CTNNA2: variants seen among roughly 807,000 people sequenced by gnomAD.
CTNNA2 encodes catenin alpha-2.
CTNNA2 carries 42 observed loss-of-function variants against 101.0 expected under a neutral mutation model. The observed-to-expected ratio is 0.42, with a 90% CI of 0.32 to 0.54. The LOEUF (loss-of-function observed/expected upper bound fraction) is 0.54. Ranked by LOEUF, CTNNA2 falls within the 20% of genes least tolerant of loss-of-function variation. The pLI is 0.14. For missense variants in CTNNA2, 871 were observed against 1,223.1 expected (o/e 0.71, Z 4.29); for synonymous variants, 450 against 456.4 (o/e 0.99, Z 0.18).
chr2:79,931,696 G>A (rs1048590835), intron 7 of CTNNA2, among the ~76,000 whole-genome samples: 1 of 152,116 alleles, frequency 6.6e-6, no homozygotes, highest in Non-Finnish European at 1.5e-5. Context: ...TTTCATCCCA[G>A]ATAGTCTGGG....
chr2:80,036,848 T>TGA (rs71965090), intron 7 of CTNNA2, among the ~76,000 whole-genome samples: 1,934 of 120,276 alleles, frequency 0.016, 41 homozygotes, highest in African/African-American at 0.057. Flanking sequence ...TGTGTGTGTG[T>TGA]GAGAGAGAGA....
intron 7 of CTNNA2, among the ~76,000 whole-genome samples, chr2:79,925,875 GA>G: frequency 1.1e-5 from 1 of 89,370 alleles, no homozygotes; most frequent in East Asian, 3.6e-4. Flanking sequence ...ATACATCTAA[GA>G]CTTTTTTTTT....
intron 2 of CTNNA2, among the ~76,000 whole-genome samples, chr2:79,255,810 G>A (rs758127970): frequency 9.2e-5 from 14 of 152,040 alleles, no homozygotes; most frequent in Middle Eastern, 3.2e-3. Flanking sequence ...AATTGATAAC[G>A]TTCACATAAT....
chr2:79,653,540 A>G (rs932515330), intron 2 of CTNNA2, among the ~76,000 whole-genome samples: 2 of 152,168 alleles, frequency 1.3e-5, no homozygotes, highest in Non-Finnish European at 2.9e-5. Flanking sequence ...AATCACTTCA[A>G]AGAGCCCTCC....
intron 7 of CTNNA2, among the ~76,000 whole-genome samples, chr2:80,364,562 T>TTTTG (rs1220104220): frequency 1.5e-5 from 2 of 133,928 alleles, no homozygotes; most frequent in Admixed American, 1.4e-4. Flanking sequence ...AGTAATTTTT[T>TTTTG]TTTTTTTTTT....
chr2:79,188,144 T>C (rs1027528050), intron 1 of CTNNA2, among the ~76,000 whole-genome samples: 1 of 152,214 alleles, frequency 6.6e-6, no homozygotes, highest in African/African-American at 2.4e-5. Context: ...TTAAGATTTT[T>C]AATATGTTCA....
At chr2:80,528,531 G>A (rs564276638) in intron 9 of CTNNA2, among the ~76,000 whole-genome samples, 1 of 152,122 alleles carries the variant, frequency 6.6e-6, no homozygotes, top group South Asian at 2.1e-4. Flanking sequence ...CCCAGGTATT[G>A]CCCTTGCTAC....
At chr2:80,036,864 A>T (rs1695702036) in intron 7 of CTNNA2, among the ~76,000 whole-genome samples, 1 of 151,500 alleles carries the variant, frequency 6.6e-6, no homozygotes, top group South Asian at 2.1e-4. Context: ...AGAGAGAGAG[A>T]GAGAGAGAGA....
At chr2:79,274,952 G>A (rs918048457) in intron 2 of CTNNA2, among the ~76,000 whole-genome samples, 2 of 152,028 alleles carry the variant, frequency 1.3e-5, no homozygotes. Context: ...AAATATGGTT[G>A]AGAAATTGCT....
chr2:80,140,679 C>A (rs1235889628), intron 7 of CTNNA2, among the ~76,000 whole-genome samples: 1 of 152,256 alleles, frequency 6.6e-6, no homozygotes, highest in East Asian at 1.9e-4. Flanking sequence ...TAATCTCATG[C>A]CATCCAACAC....
Position 80,303,238 on chromosome 2 carries a change from G to A in CTNNA2, c.1057-89973G>A. The stretch of plus-strand genomic sequence containing the variant: ...TGCGCGCCAGACTCTTGAGCTGATT[G>A]TATCCGATGTCGAGAAACTTGAGGC... On this transcript the variant is annotated intron_variant, in intron 7 of 18. Transcript: ENST00000402739. The surrounding 1 kb of genome is among the most constrained non-coding windows in gnomAD (Gnocchi z 7.7). 6.2e-7 allele frequency: 1 copy of A among 1,613,800 alleles called. No individual in the cohort carries two copies. The highest frequency in any genetic ancestry group is 8.5e-7 in the Non-Finnish European group (1 of 1,179,972).
rs139678375 is a variant in CTNNA2, at chr2:80,118,716, A to G, written c.1056+208919A>G. Among the ~76,000 whole-genome samples the G allele has an allele frequency of 7.2e-3, 1,099 of 152,356 alleles. 13 individuals are homozygous for G. The highest frequency in any genetic ancestry group is 0.025 in the African/African-American group (1,043 of 41,576). ...GAAATTTGCTATTTTTCCTTTGAAT[A>G]TTAACACAGAGCTGGTTACTTTTTG... is the stretch of plus-strand genomic sequence containing the variant. On this transcript the variant is annotated intron_variant, in intron 7 of 18. Transcript: ENST00000402739.
In CTNNA2 at chr2:79,446,814, T is replaced by A. The variant is rs150821542; in HGVS notation, c.-134-58240T>A. 4.9e-3 allele frequency among the ~76,000 whole-genome samples: 741 copies of A among 152,118 alleles called. 10 individuals carry two copies. Among genetic ancestry groups the A allele is most frequent in the African/African-American group, 0.017 (697 of 41,496 alleles). On this transcript the variant is annotated intron_variant, in intron 4 of 21. Coordinates refer to the CTNNA2 transcript ENST00000466387. The stretch of plus-strand genomic sequence containing the variant: ...GAATTTTGACCAATTAATGCTGATG[T>A]TTATGCCAAAAAAAAATCCAGATTT...
At chr2:80,147,409 G>A (rs955667489) in intron 7 of CTNNA2, among the ~76,000 whole-genome samples, 1 of 152,166 alleles carries the variant, frequency 6.6e-6, no homozygotes, top group African/African-American at 2.4e-5. Flanking sequence ...ATGTTAATCA[G>A]TGTGCAGTAA....
chr2:80,045,060 A>G (rs1696426161), intron 7 of CTNNA2, among the ~76,000 whole-genome samples: 1 of 152,166 alleles, frequency 6.6e-6, no homozygotes. Flanking sequence ...TAATGGGCCT[A>G]TGGCCTCTCC....
chr2:79,366,289 GAATTA>G (rs1460164037), intron 3 of CTNNA2, among the ~76,000 whole-genome samples: 24 of 152,214 alleles, frequency 1.6e-4, no homozygotes, highest in Non-Finnish European at 3.4e-4. Flanking sequence ...ACATCATTCA[GAATTA>G]AATTAATTCA....
chr2:80,559,144 C>T (rs930367747), intron 12 of CTNNA2, among the ~76,000 whole-genome samples: 3 of 152,116 alleles, frequency 2.0e-5, no homozygotes, highest in African/African-American at 7.2e-5. Context: ...GTGCACTGAG[C>T]ATTACTGCCC....
At chr2:79,251,028 T>C (rs905832369) in intron 2 of CTNNA2, among the ~76,000 whole-genome samples, 7 of 152,198 alleles carry the variant, frequency 4.6e-5, no homozygotes, top group African/African-American at 1.7e-4. Flanking sequence ...GTCTCCGTAG[T>C]AATGGTTAAA....
At chr2:79,971,965 C>A (rs495341) in intron 7 of CTNNA2, among the ~76,000 whole-genome samples, 101,629 of 152,008 alleles carry the variant, frequency 0.67, 34,570 homozygotes, top group Non-Finnish European at 0.74. Flanking sequence ...GCTCCACCAC[C>A]TAGTGAGTTG....
Sources: gnomAD v4.1 joint callset for allele counts (sites outside exome capture counted in the v4.1 genomes callset) on GRCh38, gnomAD v4.1.1 for gene constraint, Gnocchi (gnomAD v3.1) non-coding constraint, MANE v1.5 for transcripts, NCBI Gene and HGNC (gene_info 2026-07-23, HGNC 2026-07-21) for gene names.